Variants in BCL11A observed in about 807,000 individuals in gnomAD.
BCL11A encodes the protein BCL11 transcription factor A.
In BCL11A, 2 loss-of-function variants were observed where a neutral mutation model predicts 55.9. The observed-to-expected ratio is 0.04, with a 90% CI of 0.01 to 0.11. The LOEUF is 0.11. BCL11A is among the 10% of genes least tolerant of loss of function. BCL11A has a pLI of 1.00. For synonymous variants in BCL11A, 465 were observed against 473.4 expected (o/e 0.98, Z 0.23); for missense variants, 817 against 1,137.1 (o/e 0.72, Z 4.05).
chr2:60,493,462 G>A (rs1038393382), intron 2 of BCL11A, among the ~76,000 whole-genome samples: 12 of 151,960 alleles, frequency 7.9e-5, no homozygotes, highest in African/African-American at 2.9e-4. Flanking sequence ...CTATATCCCA[G>A]CTATCTGTTT....
At chr2:60,490,247 A>C (rs546565175) in intron 2 of BCL11A, among the ~76,000 whole-genome samples, 1 of 152,016 alleles carries the variant, frequency 6.6e-6, no homozygotes, top group South Asian at 2.1e-4. Flanking sequence ...AATTTCAACA[A>C]CTCATCCACC....
chr2:60,516,721 G>C (rs1668745567), intron 2 of BCL11A, among the ~76,000 whole-genome samples: 1 of 152,218 alleles, frequency 6.6e-6, no homozygotes, highest in Admixed American at 6.5e-5. Flanking sequence ...AGCATTCCTA[G>C]TGGACACCAA....
intron 2 of BCL11A, among the ~76,000 whole-genome samples, chr2:60,523,314 T>A (rs1669072621): frequency 6.6e-6 from 1 of 152,182 alleles, no homozygotes; most frequent in Non-Finnish European, 1.5e-5. Context: ...GCTCCTAAAT[T>A]TGCCACTATG....
chr2:60,550,002 C>A (rs1400924223), intron 1 of BCL11A: 1 of 152,220 alleles, frequency 6.6e-6, no homozygotes, highest in African/African-American at 2.4e-5. Context: ...ATTCCGAGCT[C>A]CGAGGCGAGA....
chr2:60,536,311 A>C (rs1366029928), intron 2 of BCL11A: 1 of 152,178 alleles, frequency 6.6e-6, no homozygotes, highest in Non-Finnish European at 1.5e-5. Context: ...GGAAATCGGA[A>C]AGAGAAGGGA....
At chr2:60,484,963 T>TAAA (rs542222101) in intron 2 of BCL11A, among the ~76,000 whole-genome samples, 1 of 110,046 alleles carries the variant, frequency 9.1e-6, no homozygotes, top group Non-Finnish European at 2.0e-5. Flanking sequence ...GTTTAGGACT[T>TAAA]AAAAAAAAAA....
chr2:60,467,110 A>AGTGGTGGTGGTGGTGGTGATG (rs1676671792), intron 3 of BCL11A, among the ~76,000 whole-genome samples: 11 of 72,528 alleles, frequency 1.5e-4, no homozygotes, highest in Admixed American at 9.2e-4. Context: ...TGGTGGTGGT[A>AGTGGTGGTGGTGGTGGTGATG]GTGGTGGTGG....
chr2:60,512,587 G>C (rs1264767423), intron 2 of BCL11A, among the ~76,000 whole-genome samples: 1 of 152,144 alleles, frequency 6.6e-6, no homozygotes, highest in East Asian at 1.9e-4. Flanking sequence ...ATTGTAAAAA[G>C]TGAGACTAGA....
intron 2 of BCL11A, among the ~76,000 whole-genome samples, chr2:60,476,590 T>C (rs1677609850): frequency 6.6e-6 from 1 of 152,266 alleles, no homozygotes; most frequent in South Asian, 2.1e-4. Context: ...AAGCCATGTG[T>C]AAAATGAATT....
At chr2:60,477,600 T>TGAAAG (rs1553407506) in intron 2 of BCL11A, among the ~76,000 whole-genome samples, 35,589 of 150,582 alleles carry the variant, frequency 0.24, 4,458 homozygotes, top group African/African-American at 0.26. Context: ...TAGAGTAAAA[T>TGAAAG]AAATAAAGAA....
intron 2 of BCL11A, among the ~76,000 whole-genome samples, chr2:60,540,465 G>C (rs541828468): frequency 6.6e-6 from 1 of 152,078 alleles, no homozygotes; most frequent in African/African-American, 2.4e-5. Flanking sequence ...TTTCTACTTC[G>C]GTTAAATTTA....
chr2:60,458,770 T>A lies in BCL11A; in HGVS notation c.*1634A>T, dbSNP rs914592777. 2.0e-5 allele frequency: 21 copies of A among 1,031,868 alleles called. No individual in the cohort carries two copies. Among genetic ancestry groups the A allele is most frequent in the Admixed American group, 5.7e-5 (1 of 17,612 alleles). 63.9% of individuals were successfully genotyped at this position (1,031,868 alleles called of 1,614,324 possible). A position where few individuals can be genotyped will look rare whatever the true frequency, so the allele number is the denominator to read the frequency against. On this transcript the variant is annotated 3_prime_UTR_variant, in exon 4 of 4. Coordinates refer to ENST00000642384, the MANE Select transcript of BCL11A (RefSeq NM_022893.4). ...GTTTATTTTATACTCAACCTCTGTA[T>A]CTCTGATTAGAGAAAAGATACAGAT...
In BCL11A at chr2:60,553,481, GCAAAAAAAAAA is replaced by G. The variant is rs1670507630; in HGVS notation, c.-222_-212del. ...GAGAGCCGTCATGGCTTTTTTTTAAGCAAAAAAAAAAAAAAAAAAAAAAAAAAAAAGAGGGA... is the reference window on the plus strand; with the variant it reads ...GAGAGCCGTCATGGCTTTTTTTTAAGAAAAAAAAAAAAAAAAAAAGAGGGA... On this transcript the variant is annotated 5_prime_UTR_variant, in exon 1 of 4. Transcript: ENST00000642384. The G allele has an allele frequency of 1.5e-4, 1 of 6,680 alleles. No individual in the cohort carries two copies. 0.4% of individuals were successfully genotyped at this position (6,680 alleles called of 1,614,324 possible).
chr2:60,499,292 C>T (rs62142646), intron 2 of BCL11A, among the ~76,000 whole-genome samples: 42,959 of 152,058 alleles, frequency 0.28, 6,849 homozygotes, highest in Non-Finnish European at 0.37. Flanking sequence ...TGTGACGCCC[C>T]TGCCCAGCCA....
intron 2 of BCL11A, chr2:60,525,766 T>C (rs1361871671): frequency 3.3e-5 from 5 of 152,236 alleles, no homozygotes; most frequent in Non-Finnish European, 7.3e-5. Flanking sequence ...GATCAGTGTC[T>C]CTCTGTTAAC....
At chr2:60,549,341 G>A (rs1206538650) in intron 1 of BCL11A, among the ~76,000 whole-genome samples, 1 of 152,234 alleles carries the variant, frequency 6.6e-6, no homozygotes, top group Admixed American at 6.5e-5. Context: ...GGGGGAGGGG[G>A]AAAGGGAGAT....
At chr2:60,490,960 G>A (rs1359541038) in intron 2 of BCL11A, among the ~76,000 whole-genome samples, 1 of 151,190 alleles carries the variant, frequency 6.6e-6, no homozygotes, top group Non-Finnish European at 1.5e-5. Context: ...AAAGCAAGTT[G>A]CAGTAACATG....
chr2:60,456,157 A>C (rs1237561907), downstream of BCL11A, among the ~76,000 whole-genome samples: 1 of 152,234 alleles, frequency 6.6e-6, no homozygotes, highest in African/African-American at 2.4e-5. Flanking sequence ...CCTCACAGGC[A>C]CTAGGGCATA....
chr2:60,523,994 C>T (rs1297880020), intron 2 of BCL11A, among the ~76,000 whole-genome samples: 1 of 152,100 alleles, frequency 6.6e-6, no homozygotes, highest in African/African-American at 2.4e-5. Flanking sequence ...AATTATGTTC[C>T]CATAAATACC....
Sources: allele counts gnomAD v4.1 joint callset (sites outside exome capture counted in the v4.1 genomes callset), GRCh38; gene constraint gnomAD v4.1.1; transcripts MANE v1.5; gene names NCBI Gene and HGNC (gene_info 2026-07-23, HGNC 2026-07-21).